Variants in CGGBP1 observed in about 807,000 individuals in gnomAD.
CGGBP1 encodes the protein CGG triplet repeat-binding protein 1.
CGGBP1 carries 4 observed loss-of-function variants against 11.4 expected under a neutral mutation model. The observed-to-expected ratio is 0.35, with a 90% CI of 0.17 to 0.80. The LOEUF (loss-of-function observed/expected upper bound fraction) is 0.80, where lower values mean the gene tolerates loss of function less well. Among genes scored for constraint, CGGBP1 ranks in the 30% least tolerant of loss-of-function variants. CGGBP1 has a pLI of 0.52. For missense variants in CGGBP1, 135 were observed against 202.1 expected (o/e 0.67, Z 2.01); for synonymous variants, 76 against 74.1 (o/e 1.03, Z -0.13).
Position 88,055,704 on chromosome 3 carries a change from C to T in CGGBP1, c.273G>A (p.Gln91=). 6.2e-7 allele frequency: 1 copy of T among 1,614,206 alleles called. No homozygotes were observed. The highest frequency in any genetic ancestry group is 1.3e-5 in the African/African-American group (1 of 75,038). Residue 91 remains glutamine, a synonymous_variant, in exon 4 of 4, where the codon CAG becomes CAA. Transcript: ENST00000482016. This position sits in a 1 kb window ranked among gnomAD's most constrained non-coding sequence, Gnocchi z 4.2. Reference sequence around the variant, plus strand: ...TCTCTGTTTGCGCAGTACTGTTGCACTGAAGAGATGCAGTTAGGGGCCTCT... The same window carrying T: ...TCTCTGTTTGCGCAGTACTGTTGCATTGAAGAGATGCAGTTAGGGGCCTCT... ...KKQRPLTASL[Q]CNSTAQTEKV... is the part of the protein sequence containing the mutation.
chr3:88,059,264 A>T, upstream of CGGBP1: 1 of 1,531,820 alleles, frequency 6.5e-7, no homozygotes, highest in Non-Finnish European at 8.7e-7. Flanking sequence ...TAGCCTAGGC[A>T]TCTACGGCGG....
chr3:88,083,822 G>A (rs918743117), intron 2 of CGGBP1, among the ~76,000 whole-genome samples: 1 of 152,046 alleles, frequency 6.6e-6, no homozygotes, highest in African/African-American at 2.4e-5. Flanking sequence ...AAAAGTGAAA[G>A]ATGTGGTGCT....
chr3:88,078,619 C>A (rs1379359989), intron 2 of CGGBP1, among the ~76,000 whole-genome samples: 1 of 152,080 alleles, frequency 6.6e-6, no homozygotes, highest in East Asian at 1.9e-4. Context: ...AGAAAAGGAG[C>A]TCTTCATCTC....
At chr3:88,131,591 A>C (rs6797913) in intron 2 of CGGBP1, among the ~76,000 whole-genome samples, 5,645 of 152,178 alleles carry the variant, frequency 0.037, 371 homozygotes, top group African/African-American at 0.13. Flanking sequence ...CTCTTTAGGG[A>C]AGGACCTAAA....
At chr3:88,125,031 C>A (rs551634896) in intron 2 of CGGBP1, among the ~76,000 whole-genome samples, 1 of 151,754 alleles carries the variant, frequency 6.6e-6, no homozygotes, top group Non-Finnish European at 1.5e-5. Context: ...CTGGCTAACA[C>A]GGTGAAACTC....
At chr3:88,111,968 C>A (rs137905534) in intron 2 of CGGBP1, among the ~76,000 whole-genome samples, 4 of 151,888 alleles carry the variant, frequency 2.6e-5, no homozygotes, top group Non-Finnish European at 4.4e-5. Context: ...GCGAAATATT[C>A]TCTTGCAGTT....
chr3:88,149,471 C>T (rs1242884709), intron 1 of CGGBP1, among the ~76,000 whole-genome samples: 3 of 152,278 alleles, frequency 2.0e-5, no homozygotes, highest in Admixed American at 2.0e-4. Flanking sequence ...CGGCCAGGCA[C>T]AGTGGATTAT....
rs1330984168 is a variant in CGGBP1 at position 88,052,174 on chromosome 3, A to G, written c.*3299T>C. ...ACAGTATTCTGAATACAAGTAGAAT[A>G]CCACTAGATAAGAATTGTATTTACC... On this transcript the variant is annotated 3_prime_UTR_variant, in exon 4 of 4. Coordinates refer to ENST00000482016, the MANE Select transcript of CGGBP1 (RefSeq NM_001008390.2). The G allele has an allele frequency of 6.6e-6, 1 of 152,650 alleles. No individual in the cohort carries two copies. The highest frequency in any genetic ancestry group is 1.5e-5 in the Non-Finnish European group (1 of 68,042). 9.5% of individuals were successfully genotyped at this position (152,650 alleles called of 1,614,324 possible). A position where few individuals can be genotyped will look rare whatever the true frequency, so the allele number is the denominator to read the frequency against.
At chr3:88,066,218 T>A (rs190779932) in intron 2 of CGGBP1, among the ~76,000 whole-genome samples, 1 of 152,204 alleles carries the variant, frequency 6.6e-6, no homozygotes, top group Non-Finnish European at 1.5e-5. Context: ...TTATACACAG[T>A]CTTTCATTAG....
At chr3:88,090,785 C>G (rs555925658) in intron 2 of CGGBP1, among the ~76,000 whole-genome samples, 132 of 152,226 alleles carry the variant, frequency 8.7e-4, no homozygotes, top group Non-Finnish European at 1.5e-3. Flanking sequence ...TATGGCTTCC[C>G]TGGCCACATT....
intron 2 of CGGBP1, among the ~76,000 whole-genome samples, chr3:88,121,432 C>A (rs1705762533): frequency 6.6e-6 from 1 of 152,084 alleles, no homozygotes; most frequent in Non-Finnish European, 1.5e-5. Context: ...CATTTTAAAT[C>A]ATTTTCTTTG....
chr3:88,128,121 T>G (rs1385721881), intron 2 of CGGBP1, among the ~76,000 whole-genome samples: 3 of 152,168 alleles, frequency 2.0e-5, no homozygotes, highest in Non-Finnish European at 4.4e-5. Flanking sequence ...AGTTTTGCAA[T>G]CTATAAAGCT....
rs866828306 is a variant in CGGBP1 at position 88,055,683 on chromosome 3, T to C, written c.294A>G (p.Thr98=). ...AGTCCTGGATAACACTGACTTTCTC[T>C]GTTTGCGCAGTACTGTTGCACTGAA... ...ASLQCNSTAQ[T]EKVSVIQDFV... is the part of the protein sequence containing the mutation. The change falls in exon 4 of 4, where the codon ACA becomes ACG. Residue 98 remains threonine, a synonymous_variant. Coordinates refer to ENST00000482016, the MANE Select transcript of CGGBP1 (RefSeq NM_001008390.2). This position sits in a 1 kb window ranked among gnomAD's most constrained non-coding sequence, Gnocchi z 4.2. The C allele has an allele frequency of 6.2e-7, 1 of 1,614,220 alleles. No homozygotes were observed. Among genetic ancestry groups the C allele is most frequent in the Non-Finnish European group, 8.5e-7 (1 of 1,180,034 alleles).
chr3:88,126,403 A>C (rs1468821535), intron 2 of CGGBP1: 3 of 1,042,612 alleles, frequency 2.9e-6, no homozygotes, highest in African/African-American at 1.6e-5. Context: ...TTTTCACATG[A>C]AAAGTGTTTG....
chr3:88,129,053 TACCAAAAAAAA>T (rs1706281353), intron 2 of CGGBP1: 3 of 1,370,614 alleles, frequency 2.2e-6, no homozygotes, highest in East Asian at 5.2e-5. Flanking sequence ...ATTTTAACCC[TACCAAAAAAAA>T]ACCAAAAAAA....
chr3:88,067,296 A>G (rs1411239173), intron 2 of CGGBP1, among the ~76,000 whole-genome samples: 1 of 152,208 alleles, frequency 6.6e-6, no homozygotes, highest in Non-Finnish European at 1.5e-5. Flanking sequence ...CTCTACTGAG[A>G]TCCTTTCGTT....
intron 2 of CGGBP1, among the ~76,000 whole-genome samples, chr3:88,067,106 G>A (rs1273604495): frequency 6.6e-6 from 1 of 152,194 alleles, no homozygotes; most frequent in Non-Finnish European, 1.5e-5. Flanking sequence ...AGTCACTAAT[G>A]TGAAGGTTGA....
intron 2 of CGGBP1, chr3:88,113,048 T>C: frequency 8.9e-7 from 1 of 1,126,432 alleles, no homozygotes; most frequent in South Asian, 1.4e-5. Context: ...GCTGATACTG[T>C]TTGATAATCT....
chr3:88,070,111 G>A (rs1459531376), intron 2 of CGGBP1, among the ~76,000 whole-genome samples: 2 of 152,134 alleles, frequency 1.3e-5, no homozygotes, highest in African/African-American at 4.8e-5. Flanking sequence ...AGATCACCAC[G>A]ACTTTTCTGG....
Sources: gnomAD v4.1 joint callset for allele counts (sites outside exome capture counted in the v4.1 genomes callset) on GRCh38, gnomAD v4.1.1 for gene constraint, Gnocchi (gnomAD v3.1) non-coding constraint, MANE v1.5 for transcripts, NCBI Gene and HGNC (gene_info 2026-07-23, HGNC 2026-07-21) for gene names.